WWOX: variants seen among roughly 807,000 people sequenced by gnomAD.
The protein encoded by WWOX is WW domain containing oxidoreductase.
In WWOX, 69 loss-of-function variants were observed where a neutral mutation model predicts 46.2. The observed-to-expected ratio is 1.49, with a 90% CI of 1.23 to 1.82. WWOX has a LOEUF of 1.82. Among genes scored for constraint, WWOX ranks in the 40% most tolerant of loss-of-function variants. WWOX has a pLI of 0.00. For synonymous variants in WWOX, 359 were observed against 202.6 expected, an observed-to-expected ratio of 1.77 and a Z score of -6.56; for missense variants, 919 against 542.6, an observed-to-expected ratio of 1.69 and a Z score of -6.89.
At chr16:79,051,490 A>G (rs2048166181) in intron 8 of WWOX, among the ~76,000 whole-genome samples, 1 of 134,148 alleles carries the variant, frequency 7.5e-6, no homozygotes, top group Admixed American at 8.7e-5. Flanking sequence ...GGCCACTAAC[A>G]CTTATGTCAT....
At position 78,667,563 on chromosome 16, in the gene WWOX, C is replaced by T. The variant is rs527765079; in HGVS notation, c.1056+234811C>T. On this transcript the variant is annotated intron_variant, in intron 8 of 8. Coordinates refer to ENST00000566780, the MANE Select transcript of WWOX (RefSeq NM_016373.4). ...GCAGGCACCTGTAGTCCCAGCTACT[C>T]GGGAGACTGAGGCAGGAGAATGGCA... Among the ~76,000 whole-genome samples, 46 of 147,956 alleles carry T rather than the reference C, an allele frequency of 3.1e-4. 1 individual carries two copies. The highest frequency in any genetic ancestry group is 3.5e-4 in the Admixed American group (5 of 14,442).
At chr16:78,914,884 A>C (rs2045210227) in intron 8 of WWOX, among the ~76,000 whole-genome samples, 2 of 148,916 alleles carry the variant, frequency 1.3e-5, no homozygotes, top group African/African-American at 5.0e-5. Context: ...GCCTCAGAAA[A>C]AAAAAAAAAA....
chr16:78,843,506 C>T (rs766076411), intron 8 of WWOX, among the ~76,000 whole-genome samples: 4 of 150,066 alleles, frequency 2.7e-5, no homozygotes, highest in Non-Finnish European at 6.0e-5. Flanking sequence ...CCATATGCAA[C>T]AAACCCACAA....
At chr16:78,453,684 C>G (rs2083746072) in intron 8 of WWOX, among the ~76,000 whole-genome samples, 1 of 152,008 alleles carries the variant, frequency 6.6e-6, no homozygotes, top group African/African-American at 2.4e-5. Flanking sequence ...ACATTTTAAT[C>G]AGTGCTGTAT....
rs74402690 is a variant in WWOX at position 78,489,384 on chromosome 16, G to C, written c.1056+56632G>C. Among the ~76,000 whole-genome samples, 376 of 152,220 alleles carry C rather than the reference G, an allele frequency of 2.5e-3. 6 individuals are homozygous for C. The East Asian group carries it at 0.063, about 26-fold the overall frequency. On this transcript the variant is annotated intron_variant, in intron 8 of 8. Transcript: ENST00000566780. ...TCTCTTTACTTGGCCAAATATCCGA[G>C]TGTGGAAGCTCTCACTGTGAACCTG...
chr16:78,985,038 C>T (rs1027092276), intron 8 of WWOX, among the ~76,000 whole-genome samples: 2 of 152,124 alleles, frequency 1.3e-5, no homozygotes, highest in African/African-American at 4.8e-5. Context: ...GAGTCCCTTG[C>T]CCCCTCCACC....
chr16:79,200,114 G>C (rs1337021730), intron 8 of WWOX, among the ~76,000 whole-genome samples: 1 of 152,162 alleles, frequency 6.6e-6, no homozygotes, highest in Non-Finnish European at 1.5e-5. Context: ...TTGCAGAAGA[G>C]AACACTGCAG....
At chr16:78,147,258 T>A (rs1366540329) in intron 4 of WWOX, among the ~76,000 whole-genome samples, 1 of 152,204 alleles carries the variant, frequency 6.6e-6, no homozygotes, top group Non-Finnish European at 1.5e-5. Context: ...TAAAGTTTTT[T>A]ACATTTTGCC....
chr16:78,910,375 G>T (rs2045077461), intron 8 of WWOX, among the ~76,000 whole-genome samples: 1 of 151,988 alleles, frequency 6.6e-6, no homozygotes, highest in Admixed American at 6.6e-5. Flanking sequence ...CTTGTAGTAT[G>T]TGCAAGAATT....
intron 8 of WWOX, among the ~76,000 whole-genome samples, chr16:78,735,598 A>G (rs1265497408): frequency 5.3e-5 from 8 of 152,232 alleles, no homozygotes; most frequent in African/African-American, 1.7e-4. Flanking sequence ...TTGTGTCTGC[A>G]GGCATGGGCC....
At chr16:78,595,723 A>G (rs983029551) in intron 8 of WWOX, among the ~76,000 whole-genome samples, 13 of 152,202 alleles carry the variant, frequency 8.5e-5, no homozygotes, top group Admixed American at 7.2e-4. Flanking sequence ...CAGTACATCT[A>G]TACATGGTGT....
chr16:78,399,535 T>A (rs960790669), intron 6 of WWOX, among the ~76,000 whole-genome samples: 1 of 152,136 alleles, frequency 6.6e-6, no homozygotes, highest in Non-Finnish European at 1.5e-5. Context: ...GAGCGACACC[T>A]CTCAGCCCAG....
At chr16:78,437,631 G>T (rs1427681489) in intron 8 of WWOX, among the ~76,000 whole-genome samples, 1 of 152,148 alleles carries the variant, frequency 6.6e-6, no homozygotes, top group African/African-American at 2.4e-5. Flanking sequence ...TGGGAGGGAA[G>T]TGTTTGTTTC....
intron 4 of WWOX, among the ~76,000 whole-genome samples, chr16:78,161,647 GT>G (rs1238943154): frequency 3.3e-5 from 5 of 152,192 alleles, no homozygotes; most frequent in Non-Finnish European, 5.9e-5. Context: ...TAGAGACAGA[GT>G]TTTGCTATGT....
At chr16:78,538,073 C>T (rs375272646) in intron 8 of WWOX, among the ~76,000 whole-genome samples, 92 of 151,908 alleles carry the variant, frequency 6.1e-4, no homozygotes, top group African/African-American at 2.1e-3. Flanking sequence ...GTATTTTGAG[C>T]GGCACAGAAG....
chr16:78,699,376 A>G (rs1303684200), intron 8 of WWOX, among the ~76,000 whole-genome samples: 3 of 146,794 alleles, frequency 2.0e-5, no homozygotes, highest in Non-Finnish European at 3.0e-5. Flanking sequence ...AAAAAATACA[A>G]AAAAAAAAAA....
chr16:79,167,786 G>A (rs946338758), intron 8 of WWOX, among the ~76,000 whole-genome samples: 3 of 152,194 alleles, frequency 2.0e-5, no homozygotes, highest in Admixed American at 1.3e-4. Context: ...ATTTTAAAGT[G>A]TACACTTCAG....
At chr16:78,656,205 A>G (rs2047077411) in intron 8 of WWOX, among the ~76,000 whole-genome samples, 1 of 152,018 alleles carries the variant, frequency 6.6e-6, no homozygotes, top group Admixed American at 6.6e-5. Flanking sequence ...TGTGAAAGGT[A>G]GGATCACCTC....
chr16:78,807,535 T>C (rs1217016800), intron 8 of WWOX, among the ~76,000 whole-genome samples: 1 of 152,244 alleles, frequency 6.6e-6, no homozygotes, highest in East Asian at 1.9e-4. Context: ...TGGATTCTAA[T>C]TAACGACAGT....
Sources: allele counts gnomAD v4.1 joint callset (sites outside exome capture counted in the v4.1 genomes callset), GRCh38; gene constraint gnomAD v4.1.1; transcripts MANE v1.5; gene names NCBI Gene and HGNC (gene_info 2026-07-23, HGNC 2026-07-21).